Variants in PLCB4 observed in about 807,000 individuals in gnomAD.
PLCB4 encodes 1-phosphatidylinositol 4,5-bisphosphate phosphodiesterase beta-4.
PLCB4 carries 77 observed loss-of-function variants against 178.8 expected under a neutral mutation model. The ratio of observed to expected loss-of-function variants is 0.43; its 90% CI spans 0.36 to 0.52. PLCB4 has a LOEUF of 0.52. Ranked by LOEUF, PLCB4 falls within the 20% of genes least tolerant of loss-of-function variation. The pLI, the probability that PLCB4 is intolerant of heterozygous loss-of-function variation, is 0.00. For synonymous variants in PLCB4, 496 were observed against 490.8 expected (o/e 1.01, Z -0.14); for missense variants, 1,024 against 1,453.4 (o/e 0.70, Z 4.80).
chr20:9,164,916 A>G (rs935418897), intron 2 of PLCB4, among the ~76,000 whole-genome samples: 6 of 152,214 alleles, frequency 3.9e-5, no homozygotes, highest in Non-Finnish European at 8.8e-5. Flanking sequence ...TGGAGGTGCC[A>G]TGACTCAGTT....
intron 4 of PLCB4, among the ~76,000 whole-genome samples, chr20:9,321,510 A>G (rs914535780): frequency 1.3e-5 from 2 of 152,200 alleles, no homozygotes; most frequent in African/African-American, 4.8e-5. Context: ...GTATTATACT[A>G]CTAAGTCTAG....
At chr20:9,363,200 G>A (rs928500439) in intron 8 of PLCB4, among the ~76,000 whole-genome samples, 1 of 152,174 alleles carries the variant, frequency 6.6e-6, no homozygotes, top group Non-Finnish European at 1.5e-5. Context: ...ATAGTTGATG[G>A]TCAAAGGACA....
intron 2 of PLCB4, among the ~76,000 whole-genome samples, chr20:9,167,958 G>A (rs2092999634): frequency 6.6e-6 from 1 of 152,112 alleles, no homozygotes; most frequent in Admixed American, 6.6e-5. Flanking sequence ...ATTTATACAT[G>A]AATAATATGC....
At chr20:9,431,967 CAAAG>C (rs1464958337) in intron 28 of PLCB4, among the ~76,000 whole-genome samples, 4 of 152,210 alleles carry the variant, frequency 2.6e-5, no homozygotes, top group East Asian at 1.9e-4. Context: ...GATAAAATGA[CAAAG>C]AAATCATTTT....
rs1233981748 is a variant in PLCB4 at position 9,396,904 on chromosome 20, G to T, written c.1510+1286G>T. On this transcript the variant is annotated intron_variant, in intron 19 of 39. Transcript: ENST00000378473. The stretch of plus-strand genomic sequence containing the variant: ...CATCATATTGAAATCTTTTTGTGGA[G>T]GGTCTTGCCTTGAGTGATCAGGGAG... 3.3e-5 allele frequency among the ~76,000 whole-genome samples: 5 copies of T among 152,184 alleles called. No individual in the cohort carries two copies. The East Asian group carries it at 9.6e-4, about 29-fold the overall frequency.
At chr20:9,337,510 T>A (rs542743610) in intron 5 of PLCB4, among the ~76,000 whole-genome samples, 2 of 152,248 alleles carry the variant, frequency 1.3e-5, no homozygotes, top group East Asian at 1.9e-4. Context: ...TAGAAAGAAA[T>A]CTGCCAGAAG....
At chr20:9,279,410 G>A (rs1159598635) in intron 3 of PLCB4, among the ~76,000 whole-genome samples, 1 of 151,942 alleles carries the variant, frequency 6.6e-6, no homozygotes. Context: ...TTTAAAGGAA[G>A]AGAGAATTAG....
chr20:9,152,990 C>G (rs777712476), intron 2 of PLCB4, among the ~76,000 whole-genome samples: 2 of 152,166 alleles, frequency 1.3e-5, no homozygotes, highest in South Asian at 4.1e-4. Flanking sequence ...TTTGACAGCT[C>G]TGCTGGATTT....
chr20:9,371,285 C>A lies in PLCB4; in HGVS notation c.575C>A (p.Pro192His), dbSNP rs1244478803. The A allele has an allele frequency of 6.3e-7, 1 of 1,589,760 alleles. No homozygotes were observed. Among genetic ancestry groups the A allele is most frequent in the Non-Finnish European group, 8.6e-7 (1 of 1,158,270 alleles). Residue 192 changes from proline to histidine, a missense_variant, in exon 10 of 40, where the codon CCC (proline) becomes CAC (histidine). This residue lies in a region of PLCB4 where 225 missense variants were observed against 291.0 expected (regional missense o/e 0.77). Transcript: ENST00000378473. ...IFQALKELGL[P>H]SGKNDEIEPT... ...CAAGCACTCAAGGAGTTAGGTCTTCCCAGTGGAAAGGTATGCATTAACTTA... is the reference window on the plus strand; with the variant it reads ...CAAGCACTCAAGGAGTTAGGTCTTCACAGTGGAAAGGTATGCATTAACTTA...
chr20:9,195,640 T>A (rs2093462160), intron 2 of PLCB4, among the ~76,000 whole-genome samples: 1 of 152,122 alleles, frequency 6.6e-6, no homozygotes, highest in Non-Finnish European at 1.5e-5. Flanking sequence ...GCTTTTTGAC[T>A]CAGGCTGGGA....
At chr20:9,414,144 T>C (rs1377801071) in intron 25 of PLCB4, among the ~76,000 whole-genome samples, 1 of 152,210 alleles carries the variant, frequency 6.6e-6, no homozygotes, top group African/African-American at 2.4e-5. Flanking sequence ...TGTGCTGATG[T>C]GTTGGACGCT....
At position 9,440,688 on chromosome 20, in the gene PLCB4, A is replaced by G. The variant is rs535605733; in HGVS notation, c.2765-3293A>G. 6.6e-5 allele frequency among the ~76,000 whole-genome samples: 10 copies of G among 152,262 alleles called. No homozygotes were observed. In the South Asian group the frequency reaches 1.2e-3, roughly 19 times the overall value. ...TTGATGGGAGAAATTCCAAAGTCAC[A>G]TGTAAGTAGGTGTGGAAACAGGGAG... On this transcript the variant is annotated intron_variant, in intron 30 of 39. Coordinates refer to ENST00000378473, the MANE Select transcript of PLCB4 (RefSeq NM_001377142.1).
intron 17 of PLCB4, 43 bp downstream of exon 17, chr20:9,390,658 T>C (rs760032544): frequency 7.0e-6 from 7 of 999,906 alleles, no homozygotes; most frequent in Non-Finnish European, 1.1e-5. Flanking sequence ...TGAATGGATT[T>C]GTTTTGAAAA....
chr20:9,349,970 C>T (rs1018831973), intron 7 of PLCB4, among the ~76,000 whole-genome samples: 1 of 152,068 alleles, frequency 6.6e-6, no homozygotes, highest in Non-Finnish European at 1.5e-5. Flanking sequence ...TGGGCAGAAT[C>T]CCTTGTATTA....
chr20:9,340,659 A>T (rs1164237969), intron 7 of PLCB4, among the ~76,000 whole-genome samples: 1 of 152,140 alleles, frequency 6.6e-6, no homozygotes, highest in Non-Finnish European at 1.5e-5. Context: ...AAACAGGATG[A>T]TGCAGTATGA....
intron 28 of PLCB4, among the ~76,000 whole-genome samples, chr20:9,434,460 C>G (rs1335067087): frequency 2.0e-5 from 3 of 152,172 alleles, no homozygotes; most frequent in African/African-American, 7.2e-5. Context: ...ACTGCAACCT[C>G]CGCCTCCTGG....
At position 9,264,178 on chromosome 20, in the gene PLCB4, A is replaced by G. The variant is rs116588684; in HGVS notation, c.-15-43622A>G. On this transcript the variant is annotated intron_variant, in intron 3 of 39. Transcript: ENST00000378473. Reference sequence around the variant, plus strand: ...TGGCAGCAATTCAGAAATCCATGCCATTAATATTTCGGACTTTGAAGTCTA... The same window carrying G: ...TGGCAGCAATTCAGAAATCCATGCCGTTAATATTTCGGACTTTGAAGTCTA... Among the ~76,000 whole-genome samples the G allele has an allele frequency of 4.7e-3, 723 of 152,284 alleles. 6 individuals carry two copies. The highest frequency in any genetic ancestry group is 0.017 in the African/African-American group (692 of 41,562).
chr20:9,476,124 T>TG (rs759204496), intron 38 of PLCB4, among the ~76,000 whole-genome samples: 1 of 152,168 alleles, frequency 6.6e-6, no homozygotes, highest in Non-Finnish European at 1.5e-5. Context: ...GCTAAACCAG[T>TG]GTTGGGGGCA....
chr20:9,187,383 A>G (rs2093343733), intron 2 of PLCB4, among the ~76,000 whole-genome samples: 1 of 152,082 alleles, frequency 6.6e-6, no homozygotes, highest in Admixed American at 6.6e-5. Context: ...CCTGCTGAGG[A>G]CCCTAATGAC....
Sources: allele counts gnomAD v4.1 joint callset (sites outside exome capture counted in the v4.1 genomes callset), GRCh38; gene constraint gnomAD v4.1.1; regional missense constraint gnomAD v4.1.1; transcripts MANE v1.5; gene names NCBI Gene and HGNC (gene_info 2026-07-23, HGNC 2026-07-21).